Variants in VPS13B observed in about 807,000 individuals in gnomAD.
VPS13B encodes the protein intermembrane lipid transfer protein VPS13B.
In VPS13B, 285 loss-of-function variants were observed where a neutral mutation model predicts 426.4. The observed-to-expected ratio is 0.67, with a 90% CI of 0.61 to 0.74. The LOEUF (loss-of-function observed/expected upper bound fraction) is 0.74. Ranked by LOEUF, VPS13B falls within the 30% of genes least tolerant of loss-of-function variation. The pLI is 0.00. For synonymous variants in VPS13B, 1,676 were observed against 1,676.4 expected (o/e 1.00, Z 0.01); for missense variants, 4,537 against 4,782.6 (o/e 0.95, Z 1.51).
chr8:99,875,376 G>A (rs145562581), intron 61 of VPS13B, 42 bp from the exon 62 acceptor site: 54 of 1,613,344 alleles, frequency 3.3e-5, no homozygotes, highest in Admixed American at 1.5e-4. Flanking sequence ...TGGAACTCTC[G>A]TAAGGGTCTG....
rs542564609 is a variant in VPS13B, at chr8:99,016,241, G to A, written c.147+2306G>A. 3.8e-4 allele frequency among the ~76,000 whole-genome samples: 58 copies of A among 152,248 alleles called. 1 individual carries two copies. The South Asian group carries it at 0.012, about 31-fold the overall frequency. Reference sequence around the variant, plus strand: ...ACGTAAGTATTAATTTCTCTTAGGTGTATACCTAGAAGGTAGGCCTGTGTT... The same window carrying A: ...ACGTAAGTATTAATTTCTCTTAGGTATATACCTAGAAGGTAGGCCTGTGTT... On this transcript the variant is annotated intron_variant, in intron 2 of 61. Transcript: ENST00000357162.
At chr8:99,497,321 T>C (rs1820978029) in intron 25 of VPS13B, among the ~76,000 whole-genome samples, 1 of 145,638 alleles carries the variant, frequency 6.9e-6, no homozygotes, top group African/African-American at 2.5e-5. Context: ...AATATGTATA[T>C]ATTTATATAC....
chr8:99,216,352 C>T (rs913559599), intron 17 of VPS13B, among the ~76,000 whole-genome samples: 1 of 152,122 alleles, frequency 6.6e-6, no homozygotes, highest in Non-Finnish European at 1.5e-5. Context: ...TCAATTTAAA[C>T]TTCATCTGTG....
At chr8:99,015,418 G>C (rs1841561252) in intron 2 of VPS13B, among the ~76,000 whole-genome samples, 1 of 150,356 alleles carries the variant, frequency 6.7e-6, no homozygotes, top group African/African-American at 2.4e-5. Flanking sequence ...GGGTTTCACC[G>C]TGTTAGCCAG....
chr8:99,568,710 A>G (rs1825315483), intron 31 of VPS13B, among the ~76,000 whole-genome samples: 1 of 152,164 alleles, frequency 6.6e-6, no homozygotes, highest in Admixed American at 6.5e-5. Flanking sequence ...TCCAGGTAGC[A>G]GATTGTTTAT....
chr8:99,462,887 G>A (rs925471346), intron 23 of VPS13B, among the ~76,000 whole-genome samples: 1 of 152,160 alleles, frequency 6.6e-6, no homozygotes, highest in African/African-American at 2.4e-5. Context: ...CTCAAAGAGT[G>A]TTCTTACCAG....
chr8:99,287,417 T>C (rs1022567492), intron 19 of VPS13B, among the ~76,000 whole-genome samples: 14 of 152,154 alleles, frequency 9.2e-5, no homozygotes, highest in Non-Finnish European at 1.9e-4. Context: ...CAAAGTAACA[T>C]TCTGTTGATT....
intron 24 of VPS13B, 90 bp downstream of exon 24, chr8:99,467,724 T>C (rs925680144): frequency 3.7e-6 from 5 of 1,337,642 alleles, no homozygotes; most frequent in South Asian, 1.2e-5. Context: ...TCTCTTCTCT[T>C]GAGTATCCTA....
intron 35 of VPS13B, chr8:99,696,350 G>A (rs1016740252): frequency 1.4e-5 from 4 of 276,966 alleles, no homozygotes; most frequent in African/African-American, 2.2e-5. Flanking sequence ...GAGCTGAAGC[G>A]CTACTGCCTT....
At chr8:99,532,308 T>C (rs1006182303) in intron 30 of VPS13B, among the ~76,000 whole-genome samples, 2 of 152,214 alleles carry the variant, frequency 1.3e-5, no homozygotes, top group South Asian at 2.1e-4. Context: ...GATTCTGATA[T>C]GGGTTTTACC....
intron 8 of VPS13B, among the ~76,000 whole-genome samples, chr8:99,122,606 C>T (rs1041398665): frequency 1.3e-5 from 2 of 152,054 alleles, no homozygotes; most frequent in African/African-American, 4.8e-5. Flanking sequence ...GTTTCCTGGA[C>T]TTTTATAATG....
At chr8:99,555,865 C>T (rs1824534788) in intron 30 of VPS13B, among the ~76,000 whole-genome samples, 1 of 152,136 alleles carries the variant, frequency 6.6e-6, no homozygotes, top group Admixed American at 6.6e-5. Context: ...TGTCATTTCT[C>T]AACAACTACA....
intron 16 of VPS13B, among the ~76,000 whole-genome samples, chr8:99,191,317 G>A (rs1813563791): frequency 6.9e-6 from 1 of 145,714 alleles, no homozygotes; most frequent in African/African-American, 2.5e-5. Flanking sequence ...TCTTCAAATT[G>A]CTTGATAGTG....
intron 49 of VPS13B, 140 bp from the exon 50 acceptor site, chr8:99,821,153 CA>C: frequency 4.6e-6 from 3 of 650,482 alleles, no homozygotes; most frequent in Non-Finnish European, 7.9e-6. Flanking sequence ...CACACACACA[CA>C]CACACACACA....
intron 19 of VPS13B, among the ~76,000 whole-genome samples, chr8:99,327,566 A>G (rs1810340233): frequency 4.0e-5 from 6 of 151,736 alleles, no homozygotes; most frequent in Admixed American, 3.9e-4. Context: ...TAATTAAAAC[A>G]CAAGTTACAG....
In VPS13B at chr8:99,350,114, C is replaced by T. The variant is rs201546154; in HGVS notation, c.2825-34094C>T. On this transcript the variant is annotated intron_variant, in intron 19 of 61. Coordinates refer to ENST00000357162, the MANE Select transcript of VPS13B (RefSeq NM_152564.5). The stretch of plus-strand genomic sequence containing the variant: ...GTTTGAGATTAGATATGAAGGAATT[C>T]GTGTAGGCATTAACTCGGTCAAGAT... Among the ~76,000 whole-genome samples, 7 of 152,070 alleles carry T rather than the reference C, an allele frequency of 4.6e-5. No homozygotes were observed. In the East Asian group the frequency reaches 1.4e-3, roughly 29 times the overall value.
intron 33 of VPS13B, among the ~76,000 whole-genome samples, chr8:99,581,466 A>G (rs1826055913): frequency 6.6e-6 from 1 of 152,114 alleles, no homozygotes; most frequent in Non-Finnish European, 1.5e-5. Context: ...GCTCTGAAAA[A>G]TGTGTTTTAG....
chr8:99,394,546 A>G (rs1467085454), intron 21 of VPS13B, among the ~76,000 whole-genome samples: 2 of 152,328 alleles, frequency 1.3e-5, no homozygotes, highest in Middle Eastern at 3.4e-3. Context: ...AAGATAATCT[A>G]TTATCACAGA....
At chr8:99,819,623 A>G (rs1329131594) in intron 48 of VPS13B, 41 bp downstream of exon 48, 3 of 1,598,754 alleles carry the variant, frequency 1.9e-6, no homozygotes, top group Middle Eastern at 1.7e-4. Context: ...AAATTTCTCA[A>G]CATTAACAAA....
Sources: allele counts gnomAD v4.1 joint callset (sites outside exome capture counted in the v4.1 genomes callset), GRCh38; gene constraint gnomAD v4.1.1; transcripts MANE v1.5; gene names NCBI Gene and HGNC (gene_info 2026-07-23, HGNC 2026-07-21).